The following FRMPD3 variants were observed in gnomAD, a reference collection of about 807,000 sequenced individuals.
The protein encoded by FRMPD3 is FERM and PDZ domain-containing protein 3.
In FRMPD3, 42 loss-of-function variants were observed where a neutral mutation model predicts 97.9. The observed-to-expected ratio is 0.43, with a 90% CI of 0.34 to 0.55. The LOEUF is 0.55. FRMPD3 is among the 20% of genes least tolerant of loss of function. FRMPD3 has a pLI of 0.03. For synonymous variants in FRMPD3, 577 were observed against 581.1 expected, an observed-to-expected ratio of 0.99 and a Z score of 0.10; for missense variants, 1,303 against 1,457.7, an observed-to-expected ratio of 0.89 and a Z score of 1.73.
intron 13 of FRMPD3, 74 bp from the exon 14 acceptor site, chrX:107,597,247 C>A: frequency 2.2e-6 from 2 of 907,444 alleles, no homozygotes; most frequent in Non-Finnish European, 3.1e-6. Context: ...GAGACATGGG[C>A]CAGAGACAAC....
At chrX:107,450,155 A>G (rs1931253946) in intron 1 of FRMPD3, among the ~76,000 whole-genome samples, 150 bp downstream of exon 1, 1 of 109,896 alleles carries the variant, frequency 9.1e-6, no homozygotes, top group Non-Finnish European at 1.9e-5. Context: ...GGGGGCGCCG[A>G]ACGTCTGGCC....
At chrX:107,532,744 G>T (rs1415383622) in intron 3 of FRMPD3, among the ~76,000 whole-genome samples, 1 of 112,234 alleles carries the variant, frequency 8.9e-6, no homozygotes, top group Admixed American at 9.4e-5. Context: ...CTTCTTAAAT[G>T]ACTTTGTTCA....
intron 1 of FRMPD3, among the ~76,000 whole-genome samples, chrX:107,478,547 T>G (rs1921258111): frequency 8.9e-6 from 1 of 111,956 alleles, no homozygotes; most frequent in African/African-American, 3.3e-5. Flanking sequence ...GTGTGTTCTC[T>G]CTTGCATTTT....
At chrX:107,595,249 G>A (rs1924111652) in intron 13 of FRMPD3, among the ~76,000 whole-genome samples, 1 of 109,883 alleles carries the variant, frequency 9.1e-6, no homozygotes, top group African/African-American at 3.3e-5. Context: ...CCCAGGAGGT[G>A]AAGGTTGCAG....
intron 12 of FRMPD3, among the ~76,000 whole-genome samples, chrX:107,569,680 T>A (rs766729085): frequency 8.9e-6 from 1 of 112,026 alleles, no homozygotes; most frequent in East Asian, 2.8e-4. Flanking sequence ...TGGGTGTATG[T>A]ACACCAGGGA....
rs1310737958 is a variant in FRMPD3, at chrX:107,603,095, C to T, written c.5056C>T (p.Arg1686Cys). The change falls in exon 15 of 15, where the codon CGC becomes TGC. Residue 1686 changes from arginine (R) to cysteine (C), a missense_variant. Physicochemically the swap from Arg to Cys is radical, Grantham distance 180. This residue lies in a region of FRMPD3 where 764 missense variants were observed against 820.2 expected (regional missense o/e 0.93). Coordinates refer to ENST00000683843, the MANE Select transcript of FRMPD3 (RefSeq NM_001388459.1). ...GTTCATTGTGCGCTCCGAGGCCCAG[C>T]GCCAAGAGCTGCTGGCCAAGGTAGA... Reference protein sequence around the residue: ...LVFIVRSEAQRQELLAKVEEV... With the variant: ...LVFIVRSEAQCQELLAKVEEV... 14 of 1,210,565 alleles carry T rather than the reference C, an allele frequency of 1.2e-5. No homozygotes were observed. The highest frequency in any genetic ancestry group is 3.0e-5 in the East Asian group (1 of 33,820).
intron 5 of FRMPD3, among the ~76,000 whole-genome samples, chrX:107,546,463 C>T (rs1428143979): frequency 1.4e-4 from 16 of 111,920 alleles, no homozygotes; most frequent in Admixed American, 5.7e-4. Context: ...AAATCTACTA[C>T]GGGGTGGTAT....
intron 13 of FRMPD3, among the ~76,000 whole-genome samples, chrX:107,583,955 G>A (rs1014865382): frequency 3.0e-5 from 3 of 101,215 alleles, no homozygotes; most frequent in Non-Finnish European, 5.9e-5. Flanking sequence ...TGCAACCTCC[G>A]CCTCCTGAGT....
chrX:107,535,457 G>T (rs1923182501), intron 4 of FRMPD3, among the ~76,000 whole-genome samples: 3 of 109,640 alleles, frequency 2.7e-5, no homozygotes, highest in African/African-American at 6.7e-5. Context: ...ATCACTTGAG[G>T]CCAGGAGTTC....
At chrX:107,558,037 A>G (rs759342312) in intron 8 of FRMPD3, among the ~76,000 whole-genome samples, 11 of 107,383 alleles carry the variant, frequency 1.0e-4, no homozygotes, top group Non-Finnish European at 2.1e-4. Context: ...TAGAATCACC[A>G]TGATAATTTC....
Position 107,593,857 on chromosome X carries a change from G to A in FRMPD3, c.1442-3464G>A, listed in dbSNP as rs7060828. ...TTGCTTAGGATTGCTTTTGCTATGC[G>A]GGCTCTTTTTTGGTTCCATATAAAT... On this transcript the variant is annotated intron_variant, in intron 13 of 14. Coordinates refer to ENST00000683843, the MANE Select transcript of FRMPD3 (RefSeq NM_001388459.1). Among the ~76,000 whole-genome samples the A allele has an allele frequency of 3.2e-3, 351 of 111,013 alleles. 1 individual carries two copies. The highest frequency in any genetic ancestry group is 9.3e-3 in the Middle Eastern group (2 of 215).
At chrX:107,533,926 AT>A (rs1204844717) in intron 4 of FRMPD3, among the ~76,000 whole-genome samples, 1 of 112,421 alleles carries the variant, frequency 8.9e-6, no homozygotes, top group East Asian at 2.8e-4. Flanking sequence ...ATTCATTCAT[AT>A]AAGTTACCTA....
At chrX:107,480,900 GAAA>G (rs1569410740) in intron 1 of FRMPD3, among the ~76,000 whole-genome samples, 6,265 of 50,048 alleles carry the variant, frequency 0.13, 243 homozygotes, top group Middle Eastern at 0.16. Context: ...AGGAAGGAAA[GAAA>G]GAAAGAAAGA....
rs1369259601 is a variant in FRMPD3 at position 107,486,159 on chromosome X, G to A, written c.-8+36154G>A. On this transcript the variant is annotated intron_variant, in intron 1 of 14. Transcript: ENST00000683843. ...ATTGGGGAGGAAGACACGGTTGGAT[G>A]TGAAAAGAGCCCTGGAGGCCTGGGA... 6.2e-5 allele frequency among the ~76,000 whole-genome samples: 7 copies of A among 112,462 alleles called. No individual in the cohort carries two copies. The East Asian group carries it at 2.0e-3, about 31-fold the overall frequency.
intron 13 of FRMPD3, among the ~76,000 whole-genome samples, chrX:107,582,231 T>A (rs772381464): frequency 1.1e-3 from 120 of 110,444 alleles, no homozygotes; most frequent in African/African-American, 3.8e-3. Context: ...TCACCCAGAA[T>A]GGAGTGCATG....
rs780489570 is a variant in FRMPD3 at position 107,525,696 on chromosome X, G to A, written c.-7-886G>A. Reference sequence around the variant, plus strand: ...GAAGTTGGCATTATGGACAATTTTGGTCCCAGACATTAGCACATTTATTTA... The same window carrying A: ...GAAGTTGGCATTATGGACAATTTTGATCCCAGACATTAGCACATTTATTTA... On this transcript the variant is annotated intron_variant, in intron 1 of 14. Coordinates refer to ENST00000683843, the MANE Select transcript of FRMPD3 (RefSeq NM_001388459.1). 7.2e-6 allele frequency: 4 copies of A among 556,114 alleles called. No homozygotes were observed. In the Admixed American group the frequency reaches 9.0e-5, roughly 12 times the overall value. The allele number at this position is 556,114 out of a possible 1,213,427, so 45.8% of individuals were successfully genotyped here.
rs191168820 is a variant in FRMPD3 at position 107,579,069 on chromosome X, A to G, written c.1441+2610A>G. ...CTTTCATCCCAGAACAGAAGCCCCA[A>G]TGCCAACTGTTGTTCCTTAACAAAG... is the stretch of plus-strand genomic sequence containing the variant. On this transcript the variant is annotated intron_variant, in intron 13 of 14. Transcript: ENST00000683843. Among the ~76,000 whole-genome samples, 106 of 112,122 alleles carry G rather than the reference A, an allele frequency of 9.5e-4. No homozygotes were observed. In the Middle Eastern group the frequency reaches 0.028, roughly 30 times the overall value.
At position 107,522,931 on chromosome X, in the gene FRMPD3, G is replaced by T. The variant is rs144236806; in HGVS notation, c.-7-3651G>T. Among the ~76,000 whole-genome samples the T allele has an allele frequency of 1.5e-4, 17 of 109,966 alleles. No individual in the cohort carries two copies. In the East Asian group the frequency reaches 4.3e-3, roughly 28 times the overall value. ...AAACAAACCTCGTGGGGTGGCGGGGGGTGGGGGATAAGCATTGGCTGCTTC... is the reference window on the plus strand; with the variant it reads ...AAACAAACCTCGTGGGGTGGCGGGGTGTGGGGGATAAGCATTGGCTGCTTC... On this transcript the variant is annotated intron_variant, in intron 1 of 14. Transcript: ENST00000683843.
chrX:107,551,779 A>G (rs780216008), intron 6 of FRMPD3, among the ~76,000 whole-genome samples: 64 of 112,468 alleles, frequency 5.7e-4, no homozygotes, highest in Non-Finnish European at 9.0e-4. Flanking sequence ...AACTGCAAAG[A>G]AAACCTCATC....
Sources: allele counts gnomAD v4.1 joint callset (sites outside exome capture counted in the v4.1 genomes callset), GRCh38; gene constraint gnomAD v4.1.1; regional missense constraint gnomAD v4.1.1; transcripts MANE v1.5; gene names NCBI Gene and HGNC (gene_info 2026-07-23, HGNC 2026-07-21).